BBS9: variants seen among roughly 807,000 people sequenced by gnomAD.
BBS9 encodes protein PTHB1.
BBS9 carries 89 observed loss-of-function variants against 117.7 expected under a neutral mutation model. The ratio of observed to expected loss-of-function variants is 0.76; its 90% CI spans 0.64 to 0.90. The LOEUF (loss-of-function observed/expected upper bound fraction) is 0.90. Among genes scored for constraint, BBS9 ranks in the 40% least tolerant of loss-of-function variants. BBS9 has a pLI of 0.00. For missense variants in BBS9, 982 were observed against 1,042.2 expected, an observed-to-expected ratio of 0.94 and a Z score of 0.80; for synonymous variants, 379 against 370.9, an observed-to-expected ratio of 1.02 and a Z score of -0.25.
intron 4 of BBS9, among the ~76,000 whole-genome samples, chr7:33,164,377 G>T (rs1227438218): frequency 6.6e-6 from 1 of 152,096 alleles, no homozygotes; most frequent in Non-Finnish European, 1.5e-5. Flanking sequence ...TCAAGTCCTG[G>T]ATATCCTTGT....
intron 20 of BBS9, among the ~76,000 whole-genome samples, chr7:33,510,014 T>C (rs1846697103): frequency 6.6e-6 from 1 of 152,184 alleles, no homozygotes; most frequent in Non-Finnish European, 1.5e-5. Flanking sequence ...CAAAGTTATA[T>C]GGGCCAGATG....
At chr7:33,466,100 A>G (rs181902085) in intron 19 of BBS9, among the ~76,000 whole-genome samples, 1 of 152,114 alleles carries the variant, frequency 6.6e-6, no homozygotes, top group Non-Finnish European at 1.5e-5. Flanking sequence ...TGAAATGGTT[A>G]CCACCATCAA....
intron 19 of BBS9, among the ~76,000 whole-genome samples, chr7:33,496,709 AT>A (rs1844770635): frequency 6.6e-6 from 1 of 152,122 alleles, no homozygotes; most frequent in African/African-American, 2.4e-5. Context: ...AAAGCCTCAG[AT>A]TTCTCTTTTA....
intron 19 of BBS9, among the ~76,000 whole-genome samples, chr7:33,405,939 G>T (rs1349891558): frequency 7.0e-6 from 1 of 143,282 alleles, no homozygotes; most frequent in African/African-American, 2.7e-5. Context: ...GTGATATTAG[G>T]GTGTCAATTT....
chr7:33,530,243 A>G (rs780231364), intron 20 of BBS9, among the ~76,000 whole-genome samples: 5 of 152,242 alleles, frequency 3.3e-5, no homozygotes, highest in Admixed American at 2.0e-4. Context: ...TTTCTAAAGT[A>G]CTGGCATCAT....
At chr7:33,139,964 C>G (rs954470775) in intron 1 of BBS9, among the ~76,000 whole-genome samples, 4 of 151,990 alleles carry the variant, frequency 2.6e-5, no homozygotes, top group Non-Finnish European at 5.9e-5. Flanking sequence ...TTCGAGATAA[C>G]TCACTTCTGG....
At chr7:33,240,635 A>C in intron 5 of BBS9, among the ~76,000 whole-genome samples, 1 of 152,274 alleles carries the variant, frequency 6.6e-6, no homozygotes. Flanking sequence ...ATTGAGTTCC[A>C]TGAAAAAAAT....
chr7:33,549,792 A>C (rs1356995135), intron 21 of BBS9, among the ~76,000 whole-genome samples: 2 of 152,184 alleles, frequency 1.3e-5, no homozygotes, highest in African/African-American at 4.8e-5. Context: ...TGGAAATCTG[A>C]ACTCTGTATA....
At chr7:33,437,834 C>T (rs1425679370) in intron 19 of BBS9, among the ~76,000 whole-genome samples, 1 of 152,166 alleles carries the variant, frequency 6.6e-6, no homozygotes, top group African/African-American at 2.4e-5. Flanking sequence ...CAAGATCCTG[C>T]CACTGCACTC....
At chr7:33,169,957 A>C (rs1796286317) in intron 4 of BBS9, among the ~76,000 whole-genome samples, 1 of 152,092 alleles carries the variant, frequency 6.6e-6, no homozygotes, top group African/African-American at 2.4e-5. Context: ...CTAACGTTTA[A>C]GTCTTTAATC....
At chr7:33,396,623 T>C (rs1373281987) in intron 19 of BBS9, among the ~76,000 whole-genome samples, 1 of 152,146 alleles carries the variant, frequency 6.6e-6, no homozygotes, top group East Asian at 1.9e-4. Flanking sequence ...TAAACTACCA[T>C]TGACATTCTT....
At chr7:33,326,457 G>A (rs1812875364) in intron 9 of BBS9, among the ~76,000 whole-genome samples, 1 of 152,080 alleles carries the variant, frequency 6.6e-6, no homozygotes, top group Non-Finnish European at 1.5e-5. Flanking sequence ...GACCTGAAGA[G>A]CTTGCTTGGT....
intron 19 of BBS9, among the ~76,000 whole-genome samples, chr7:33,430,739 A>G (rs1295286333): frequency 6.6e-6 from 1 of 152,236 alleles, no homozygotes; most frequent in Non-Finnish European, 1.5e-5. Context: ...GACAGTGGAA[A>G]TTGAATAAAC....
chr7:33,352,774 G>A, intron 14 of BBS9, 85 bp from the exon 15 acceptor site: 1 of 1,466,574 alleles, frequency 6.8e-7, no homozygotes. Context: ...GCAGATATGT[G>A]TCAAATTTGT....
At chr7:33,434,410 C>T (rs1834996112) in intron 19 of BBS9, among the ~76,000 whole-genome samples, 1 of 151,916 alleles carries the variant, frequency 6.6e-6, no homozygotes, top group Non-Finnish European at 1.5e-5. Context: ...TGCTAAACAA[C>T]CAAAGCAACT....
At chr7:33,548,332 T>C (rs1312868204) in intron 21 of BBS9, among the ~76,000 whole-genome samples, 1 of 152,174 alleles carries the variant, frequency 6.6e-6, no homozygotes, top group Non-Finnish European at 1.5e-5. Flanking sequence ...TCTTCACCCA[T>C]CTATAAATGT....
chr7:33,633,567 A>T (rs1358234448), intron 21 of BBS9, among the ~76,000 whole-genome samples: 2 of 137,988 alleles, frequency 1.4e-5, no homozygotes, highest in Non-Finnish European at 3.1e-5. Flanking sequence ...ATAGGAGAGG[A>T]GCTCTTTACC....
intron 19 of BBS9, among the ~76,000 whole-genome samples, chr7:33,504,301 G>A (rs1469491643): frequency 6.6e-6 from 1 of 152,148 alleles, no homozygotes; most frequent in African/African-American, 2.4e-5. Flanking sequence ...AGCAATTTCA[G>A]GCAAGGACCT....
intron 21 of BBS9, among the ~76,000 whole-genome samples, chr7:33,562,828 G>A (rs1477546139): frequency 6.6e-6 from 1 of 152,134 alleles, no homozygotes; most frequent in Admixed American, 6.6e-5. Flanking sequence ...GGAAGCTGAG[G>A]CAGAAGAATC....
Sources: allele counts gnomAD v4.1 joint callset (sites outside exome capture counted in the v4.1 genomes callset), GRCh38; gene constraint gnomAD v4.1.1; transcripts MANE v1.5; gene names NCBI Gene and HGNC (gene_info 2026-07-23, HGNC 2026-07-21).